The following RPS6KA2 variants were observed in gnomAD, a reference collection of about 807,000 sequenced individuals.
RPS6KA2 encodes the protein ribosomal protein S6 kinase A2, also known as ribosomal protein S6 kinase alpha-2.
A neutral mutation model predicts 91.8 loss-of-function variants in RPS6KA2; 42 were observed. The ratio of observed to expected loss-of-function variants is 0.46; its 90% CI spans 0.36 to 0.59. The LOEUF (loss-of-function observed/expected upper bound fraction) is 0.59. RPS6KA2 is among the 20% of genes least tolerant of loss of function. The pLI, the probability that RPS6KA2 is intolerant of heterozygous loss-of-function variation, is 0.00. For missense variants in RPS6KA2, 798 were observed against 978.5 expected, an observed-to-expected ratio of 0.82 and a Z score of 2.46; for synonymous variants, 414 against 393.6, an observed-to-expected ratio of 1.05 and a Z score of -0.61.
chr6:166,809,794 A>G (rs1323430031), intron 2 of RPS6KA2, among the ~76,000 whole-genome samples: 1 of 152,188 alleles, frequency 6.6e-6, no homozygotes, highest in Non-Finnish European at 1.5e-5. Context: ...TCAGATTAAG[A>G]ACAGGCAGCC....
At chr6:166,643,236 A>G (rs556761417) in intron 2 of RPS6KA2, among the ~76,000 whole-genome samples, 19 of 152,232 alleles carry the variant, frequency 1.2e-4, no homozygotes, top group Non-Finnish European at 2.1e-4. Flanking sequence ...ATAGAAATAA[A>G]TCAAAATATG....
chr6:166,835,098 G>A (rs990281304), intron 2 of RPS6KA2, among the ~76,000 whole-genome samples: 3 of 152,060 alleles, frequency 2.0e-5, no homozygotes, highest in African/African-American at 7.2e-5. Context: ...ACCGACATCT[G>A]TGTCAAAAAT....
At chr6:166,723,734 T>C (rs1204246089) in intron 2 of RPS6KA2, among the ~76,000 whole-genome samples, 1 of 148,998 alleles carries the variant, frequency 6.7e-6, no homozygotes, top group African/African-American at 2.6e-5. Flanking sequence ...GGAGTCTCAT[T>C]CTGTCGCCCA....
intron 15 of RPS6KA2, among the ~76,000 whole-genome samples, chr6:166,431,840 T>C (rs1056817500): frequency 1.3e-5 from 2 of 151,974 alleles, no homozygotes; most frequent in African/African-American, 2.4e-5. Flanking sequence ...GGTCTCAAAG[T>C]GATCTGCCTT....
At chr6:166,588,061 A>G (rs1785238633) in intron 1 of RPS6KA2, among the ~76,000 whole-genome samples, 1 of 152,234 alleles carries the variant, frequency 6.6e-6, no homozygotes, top group Non-Finnish European at 1.5e-5. Context: ...CGTATCATGA[A>G]CTAAAAGTGA....
chr6:166,630,903 A>C (rs951169867), upstream of RPS6KA2, among the ~76,000 whole-genome samples: 1 of 152,230 alleles, frequency 6.6e-6, no homozygotes, highest in Non-Finnish European at 1.5e-5. Flanking sequence ...CTAGAAGGTA[A>C]ACTGTAGTGG....
chr6:166,771,100 T>G (rs1383249858), intron 2 of RPS6KA2, among the ~76,000 whole-genome samples: 2 of 152,240 alleles, frequency 1.3e-5, no homozygotes, highest in Non-Finnish European at 2.9e-5. Flanking sequence ...AGCCCTTTAG[T>G]GAAAGCCTAC....
chr6:166,485,319 GC>G (rs1781367772), intron 10 of RPS6KA2, among the ~76,000 whole-genome samples: 5 of 152,256 alleles, frequency 3.3e-5, no homozygotes, highest in Admixed American at 6.5e-5. Flanking sequence ...GAAATGGCAT[GC>G]AAAGATGCTT....
chr6:166,574,770 A>G (rs984852723), intron 1 of RPS6KA2, among the ~76,000 whole-genome samples: 1 of 152,218 alleles, frequency 6.6e-6, no homozygotes, highest in Non-Finnish European at 1.5e-5. Context: ...GAAACAGGAA[A>G]CATACAAATG....
rs1236926462 is a variant in RPS6KA2, at chr6:166,648,109, T to TGC, written c.124-109327_124-109326dup. Among the ~76,000 whole-genome samples the TGC allele has an allele frequency of 4.5e-5, 5 of 111,768 alleles. No homozygotes were observed. Among genetic ancestry groups the TGC allele is most frequent in the Non-Finnish European group, 7.5e-5 (4 of 53,154 alleles). 73.3% of individuals were successfully genotyped at this position (111,768 alleles called of 152,430 possible). A position where few individuals can be genotyped will look rare whatever the true frequency, so the allele number is the denominator to read the frequency against. On this transcript the variant is annotated intron_variant, in intron 2 of 21. Transcript: ENST00000503859. This position sits in a 1 kb window ranked among gnomAD's most constrained non-coding sequence, Gnocchi z 4.8. ...ATACACACACGCTCATACACACACG[T>TGC]GCACACACACGCTCATACACATACA...
At chr6:166,523,902 C>T (rs1395400620) in intron 3 of RPS6KA2, among the ~76,000 whole-genome samples, 1 of 152,194 alleles carries the variant, frequency 6.6e-6, no homozygotes, top group Non-Finnish European at 1.5e-5. Context: ...GTCATTGATA[C>T]CTGTCTATGC....
At chr6:166,694,746 AC>A (rs900325531) in intron 2 of RPS6KA2, among the ~76,000 whole-genome samples, 1 of 152,218 alleles carries the variant, frequency 6.6e-6, no homozygotes, top group East Asian at 1.9e-4. Context: ...TGGGAAACAT[AC>A]CACAAAGCAT....
rs550350874 is a variant in RPS6KA2, at chr6:166,466,211, G to A, written c.972+3630C>T. Among the ~76,000 whole-genome samples the A allele has an allele frequency of 1.7e-3, 253 of 152,300 alleles. 1 individual carries two copies. Among genetic ancestry groups the A allele is most frequent in the African/African-American group, 6.0e-3 (248 of 41,568 alleles). On this transcript the variant is annotated intron_variant, in intron 11 of 20. Coordinates refer to ENST00000265678, the MANE Select transcript of RPS6KA2 (RefSeq NM_021135.6). ...GGTTGTGTTTGCTTTCCAGCCACAG[G>A]GAGACCAGAGCACCCTGAGCAGAGG...
At chr6:166,699,072 A>G (rs905435616) in intron 2 of RPS6KA2, among the ~76,000 whole-genome samples, 1 of 152,192 alleles carries the variant, frequency 6.6e-6, no homozygotes, top group Non-Finnish European at 1.5e-5. Context: ...AGCGACCCCT[A>G]TGAGTGCACC....
At chr6:166,742,382 C>T (rs75250076) in intron 2 of RPS6KA2, among the ~76,000 whole-genome samples, 1,601 of 152,304 alleles carry the variant, frequency 0.011, 16 homozygotes, top group Non-Finnish European at 0.014. Context: ...GTGGTATCCT[C>T]TCCGGTGTGG....
chr6:166,673,497 ACAGCCCTACGGACTCC>A (rs1020132862), intron 2 of RPS6KA2, among the ~76,000 whole-genome samples: 8 of 152,152 alleles, frequency 5.3e-5, no homozygotes, highest in Non-Finnish European at 1.0e-4. Flanking sequence ...ACAACTCTGC[ACAGCCCTACGGACTCC>A]CAGCTGCAGA....
At chr6:166,542,250 A>G (rs763187) in intron 1 of RPS6KA2, 130,727 of 152,282 alleles carry the variant, frequency 0.86, 56,230 homozygotes, top group East Asian at 0.99. Flanking sequence ...CATGACAACC[A>G]CCCTAAGGGG....
chr6:166,518,411 A>T (rs1036448558), intron 3 of RPS6KA2, among the ~76,000 whole-genome samples: 2 of 152,192 alleles, frequency 1.3e-5, no homozygotes, highest in Non-Finnish European at 2.9e-5. Flanking sequence ...CCATTCAAAA[A>T]GATTATAAAA....
intron 8 of RPS6KA2, among the ~76,000 whole-genome samples, chr6:166,492,179 C>A (rs909880542): frequency 1.3e-5 from 2 of 152,152 alleles, no homozygotes; most frequent in Non-Finnish European, 2.9e-5. Flanking sequence ...GAAACTCTTC[C>A]ACCAGTTCTG....
Sources: gnomAD v4.1 joint callset for allele counts (sites outside exome capture counted in the v4.1 genomes callset) on GRCh38, gnomAD v4.1.1 for gene constraint, Gnocchi (gnomAD v3.1) non-coding constraint, MANE v1.5 for transcripts, NCBI Gene and HGNC (gene_info 2026-07-23, HGNC 2026-07-21) for gene names.